Variants in NDRG2 observed in about 807,000 individuals in gnomAD.
NDRG2 encodes the protein NDRG family member 2.
NDRG2 carries 34 observed loss-of-function variants against 58.2 expected under a neutral mutation model. That is an observed-to-expected ratio of 0.58 (90% CI 0.44 to 0.78). The LOEUF (loss-of-function observed/expected upper bound fraction) is 0.78, where lower values mean the gene tolerates loss of function less well. NDRG2 is among the 30% of genes least tolerant of loss of function. The pLI is 0.00. For missense variants in NDRG2, 434 were observed against 471.2 expected, an observed-to-expected ratio of 0.92 and a Z score of 0.73; for synonymous variants, 187 against 175.9, an observed-to-expected ratio of 1.06 and a Z score of -0.50.
At chr14:21,046,858 A>T (rs1055711574) in intron 1 of NDRG2, 7 of 152,242 alleles carry the variant, frequency 4.6e-5, no homozygotes, top group African/African-American at 1.7e-4. Context: ...GAAGAAAAAA[A>T]TATTTACTAT....
At chr14:21,058,016 C>T (rs1166465427) in intron 1 of NDRG2, 9 of 1,614,010 alleles carry the variant, frequency 5.6e-6, no homozygotes, top group African/African-American at 2.7e-5. Flanking sequence ...TAAAACTCAG[C>T]ATGTGCAGCC....
rs1455635562 is a variant in NDRG2, at chr14:21,050,964, T to TA, written c.24+19863dup. Among the ~76,000 whole-genome samples the TA allele has an allele frequency of 1.1e-4, 16 of 152,310 alleles. No individual in the cohort carries two copies. In the East Asian group the frequency reaches 2.9e-3, roughly 28 times the overall value. On this transcript the variant is annotated intron_variant, in intron 1 of 14. Transcript: ENST00000403829. ...TTAAATTATTTCAAAGTGAAAATGC[T>TA]AAAAAAATTTAATGTAACTCATTTG...
chr14:21,016,892 C>T lies in NDRG2; in HGVS notation c.*704G>A, dbSNP rs1877154966. ...GCCCTTTCCACCCTATGCCAAGCCC[C>T]AAGCAGCCCAGCCCAAGCTTAGCTC... On this transcript the variant is annotated 3_prime_UTR_variant, in exon 16 of 16. Transcript: ENST00000556147. 2.2e-6 allele frequency: 1 copy of T among 456,508 alleles called. No homozygotes were observed. 28.3% of individuals were successfully genotyped at this position (456,508 alleles called of 1,614,324 possible).
rs369663316 is a variant in NDRG2, at chr14:21,018,381, G to C, written c.861+76C>G. ...CGTTCACCCCATTTGCTCCCATGCC[G>C]GGCCCTGGAGGCTTAGCAGCTGCAT... On this transcript the variant is annotated intron_variant, in intron 13 of 15. Transcript: ENST00000556147. 5.6e-6 allele frequency: 9 copies of C among 1,607,260 alleles called. No individual in the cohort carries two copies. In the Admixed American group the frequency reaches 1.4e-4, roughly 24 times the overall value.
chr14:21,021,919 C>T, intron 5 of NDRG2, 40 bp from the exon 6 acceptor site: 1 of 1,611,624 alleles, frequency 6.2e-7, no homozygotes, highest in Non-Finnish European at 8.5e-7. Context: ...ACCAACCTGC[C>T]CTCACACCCC....
At chr14:21,021,947 A>T in intron 5 of NDRG2, 68 bp from the exon 6 acceptor site, 1 of 1,611,156 alleles carries the variant, frequency 6.2e-7, no homozygotes, top group Non-Finnish European at 8.5e-7. Flanking sequence ...AGGATGTCCT[A>T]CTCATTCTCT....
intron 1 of NDRG2, chr14:21,036,262 T>C: frequency 2.2e-6 from 1 of 456,338 alleles, no homozygotes. Context: ...ATATATCTCT[T>C]ATACAACTTC....
intron 1 of NDRG2, among the ~76,000 whole-genome samples, chr14:21,066,491 T>C (rs996094289): frequency 2.6e-4 from 40 of 152,258 alleles, no homozygotes; most frequent in African/African-American, 8.7e-4. Context: ...AGCTAATTTT[T>C]GTATTTTTAG....
intron 1 of NDRG2, among the ~76,000 whole-genome samples, chr14:21,041,332 T>A (rs1333618473): frequency 1.3e-5 from 2 of 152,186 alleles, no homozygotes; most frequent in Non-Finnish European, 2.9e-5. Context: ...ATCCCAAGTA[T>A]CTTGACACTT....
At chr14:21,042,954 G>T (rs373061810) in intron 1 of NDRG2, 2 of 1,569,378 alleles carry the variant, frequency 1.3e-6, no homozygotes, top group African/African-American at 2.7e-5. Flanking sequence ...CTGTCCCAGC[G>T]ACCCCTGCCC....
intron 1 of NDRG2, among the ~76,000 whole-genome samples, chr14:21,038,674 C>T (rs1433993837): frequency 6.6e-6 from 1 of 152,110 alleles, no homozygotes; most frequent in Non-Finnish European, 1.5e-5. Context: ...CAGGTTTGCC[C>T]GATTGTGACA....
At chr14:21,030,927 C>T in intron 1 of NDRG2, 1 of 1,540,998 alleles carries the variant, frequency 6.5e-7, no homozygotes, top group Non-Finnish European at 8.8e-7. Context: ...ACAAAAGAGG[C>T]CAAATCTGAG....
intron 1 of NDRG2, chr14:21,033,790 T>C: frequency 7.4e-7 from 1 of 1,349,038 alleles, no homozygotes; most frequent in Non-Finnish European, 1.1e-6. Flanking sequence ...TGGCCTGTGG[T>C]GGTAGAGGTT....
In NDRG2 at chr14:21,021,809, C is replaced by A. The variant is rs778867961; in HGVS notation, c.407+8G>T. Reference sequence around the variant, plus strand: ...ACTCTGGTTTGGAGGGGTTCCCAGGCCTCTCACTTTAGGTACTGCAGGACG... The same window carrying A: ...ACTCTGGTTTGGAGGGGTTCCCAGGACTCTCACTTTAGGTACTGCAGGACG... On this transcript the variant is annotated splice_region_variant and intron_variant, in intron 6 of 15. Transcript: ENST00000556147. 6.2e-7 allele frequency: 1 copy of A among 1,611,166 alleles called. No homozygotes were observed. Among genetic ancestry groups the A allele is most frequent in the South Asian group, 1.1e-5 (1 of 90,396 alleles).
chr14:21,063,462 T>C (rs1329996724), intron 1 of NDRG2, among the ~76,000 whole-genome samples: 1 of 152,146 alleles, frequency 6.6e-6, no homozygotes, highest in Non-Finnish European at 1.5e-5. Flanking sequence ...GGCAAGGATA[T>C]AGGTTTTGTA....
In NDRG2 at chr14:21,020,523, C is replaced by T. The variant is rs1321120339; in HGVS notation, c.528G>A (p.Lys176=). 3 of 1,613,668 alleles carry T rather than the reference C, an allele frequency of 1.9e-6. No homozygotes were observed. The highest frequency in any genetic ancestry group is 1.7e-6 in the Non-Finnish European group (2 of 1,179,946). ...LVLINIDPNA[K]GWMDWAAHKL... ...TGTGGGCTGCCCAATCCATCCAACC[C>T]TTGGCATTGGGATCAATGTTGATGA... The change falls in exon 8 of 16, where the codon AAG becomes AAA. Residue 176 remains lysine, a synonymous_variant. Transcript: ENST00000556147.
chr14:21,024,945 A>G lies in NDRG2; in HGVS notation c.-922T>C. The G allele has an allele frequency of 1.0e-6, 1 of 985,570 alleles. No individual in the cohort carries two copies. Among genetic ancestry groups the G allele is most frequent in the Non-Finnish European group, 1.2e-6 (1 of 830,074 alleles). 61.1% of individuals were successfully genotyped at this position (985,570 alleles called of 1,614,324 possible). A position where few individuals can be genotyped will look rare whatever the true frequency, so the allele number is the denominator to read the frequency against. On this transcript the variant is annotated 5_prime_UTR_variant, in exon 1 of 16. Coordinates refer to ENST00000556147, the MANE Select transcript of NDRG2 (RefSeq NM_001320329.2). ...CCCTTTCCCCCGAGCCTCCAGCTCC[A>G]GGGGACGCGGATCAATCACACCGCC...
Position 21,019,649 on chromosome 14 carries a change from T to C in NDRG2, c.706A>G (p.Ser236Gly). The C allele has an allele frequency of 6.2e-7, 1 of 1,610,038 alleles. No homozygotes were observed. Among genetic ancestry groups the C allele is most frequent in the Non-Finnish European group, 8.5e-7 (1 of 1,176,822 alleles). The change falls in exon 10 of 16, where the codon AGC becomes GGC. Residue 236 changes from serine to glycine, a missense_variant. Ser to Gly is a moderately conservative substitution (Grantham distance 56). Coordinates refer to ENST00000556147, the MANE Select transcript of NDRG2 (RefSeq NM_001320329.2). ...ACACAGCCCACCCACTTGTTGTAGC[T>C]GTTCCAGTACAATTCAATGTTATCC... is the stretch of plus-strand genomic sequence containing the variant. ...NLDNIELYWN[S>G]YNNRRDLNFE...
chr14:21,048,641 G>A (rs1364401802), intron 1 of NDRG2: 2 of 152,252 alleles, frequency 1.3e-5, no homozygotes, highest in Non-Finnish European at 2.9e-5. Context: ...AGTATAATGT[G>A]GATTAAAAGT....
Sources: allele counts gnomAD v4.1 joint callset (sites outside exome capture counted in the v4.1 genomes callset), GRCh38; gene constraint gnomAD v4.1.1; transcripts MANE v1.5; gene names NCBI Gene and HGNC (gene_info 2026-07-23, HGNC 2026-07-21).